Variants in RPAP3 observed in about 807,000 individuals in gnomAD.
RPAP3 encodes RNA polymerase II associated protein 3.
RPAP3 carries 58 observed loss-of-function variants against 88.8 expected under a neutral mutation model. The observed-to-expected ratio is 0.65, with a 90% confidence interval of 0.53 to 0.81. The LOEUF (loss-of-function observed/expected upper bound fraction) is 0.81. RPAP3 is among the 40% of genes least tolerant of loss of function. The pLI, the probability that RPAP3 is intolerant of heterozygous loss-of-function variation, is 0.00. For missense variants in RPAP3, 751 were observed against 764.3 expected, an observed-to-expected ratio of 0.98 and a Z score of 0.20; for synonymous variants, 255 against 259.9, an observed-to-expected ratio of 0.98 and a Z score of 0.18.
intron 2 of RPAP3, among the ~76,000 whole-genome samples, chr12:47,702,311 C>T (rs764812355): frequency 1.3e-5 from 2 of 151,938 alleles, no homozygotes; most frequent in African/African-American, 4.8e-5. Context: ...TTCGGGAGGC[C>T]GAGGTGGGTG....
intron 1 of RPAP3, among the ~76,000 whole-genome samples, chr12:47,704,641 G>C (rs1018859279): frequency 1.3e-5 from 2 of 151,398 alleles, no homozygotes; most frequent in Non-Finnish European, 1.5e-5. Flanking sequence ...GCCTCCCAAA[G>C]TGCTGGGATT....
intron 4 of RPAP3, 57 bp downstream of exon 4, chr12:47,697,540 A>T (rs905131055): frequency 6.7e-7 from 1 of 1,502,806 alleles, no homozygotes; most frequent in Non-Finnish European, 9.0e-7. Context: ...TACGATCCAC[A>T]TGATTTTCAA....
intron 5 of RPAP3, among the ~76,000 whole-genome samples, chr12:47,692,403 A>C (rs891536712): frequency 3.9e-5 from 6 of 152,244 alleles, no homozygotes; most frequent in African/African-American, 1.4e-4. Flanking sequence ...GTTCTCCGTC[A>C]GCACCTGCTG....
In RPAP3 at chr12:47,687,273, C is replaced by T. The variant is rs112712103; in HGVS notation, c.865-366G>A. Among the ~76,000 whole-genome samples the T allele has an allele frequency of 5.3e-5, 8 of 152,188 alleles. 1 individual carries two copies. Among genetic ancestry groups the T allele is most frequent in the African/African-American group, 1.7e-4 (7 of 41,532 alleles). ...GAAGCTGTACAAAAGGACTTCATAA[C>T]TCAAATAAATTTTGTGAAAGAATAC... On this transcript the variant is annotated intron_variant, in intron 8 of 16. Transcript: ENST00000005386.
intron 1 of RPAP3, 88 bp downstream of exon 1, chr12:47,705,864 T>C (rs1207311783): frequency 6.6e-6 from 1 of 150,528 alleles, no homozygotes; most frequent in Non-Finnish European, 1.4e-5. Context: ...GCCTCACCGG[T>C]ACCCATAACC....
intron 16 of RPAP3, among the ~76,000 whole-genome samples, chr12:47,664,179 G>A (rs1017318744): frequency 8.5e-5 from 13 of 152,146 alleles, no homozygotes; most frequent in Non-Finnish European, 1.8e-4. Flanking sequence ...CATGAGGTCA[G>A]GAGATCGAGA....
At chr12:47,704,816 A>G (rs1292232121) in intron 1 of RPAP3, among the ~76,000 whole-genome samples, 1 of 151,854 alleles carries the variant, frequency 6.6e-6, no homozygotes, top group African/African-American at 2.4e-5. Flanking sequence ...TTCCTAGATC[A>G]GCCTGGGCAA....
rs1205443001 is a variant in RPAP3, at chr12:47,662,203, T to C, written c.*1302A>G. 9.2e-5 allele frequency: 14 copies of C among 152,230 alleles called. No individual in the cohort carries two copies. Among genetic ancestry groups the C allele is most frequent in the Non-Finnish European group, 1.2e-4 (8 of 68,052 alleles). 9.4% of individuals were successfully genotyped at this position (152,230 alleles called of 1,614,324 possible). A position where few individuals can be genotyped will look rare whatever the true frequency, so the allele number is the denominator to read the frequency against. Reference sequence around the variant, plus strand: ...CGCCTTCAGGGTTAGGATTTCAACATATGAATTTGTGGGGGATATAAACAT... The same window carrying C: ...CGCCTTCAGGGTTAGGATTTCAACACATGAATTTGTGGGGGATATAAACAT... On this transcript the variant is annotated 3_prime_UTR_variant, in exon 17 of 17. Transcript: ENST00000005386.
chr12:47,693,603 G>A (rs965670326), intron 5 of RPAP3, among the ~76,000 whole-genome samples: 3 of 152,158 alleles, frequency 2.0e-5, no homozygotes, highest in African/African-American at 7.2e-5. Flanking sequence ...AATTCCTAAT[G>A]GTGAAACATT....
chr12:47,670,304 C>T lies in RPAP3; in HGVS notation c.1329G>A (p.Leu443=), dbSNP rs1228225145. 2 of 1,611,316 alleles carry T rather than the reference C, an allele frequency of 1.2e-6. No individual in the cohort carries two copies. Among genetic ancestry groups the T allele is most frequent in the Non-Finnish European group, 1.7e-6 (2 of 1,178,054 alleles). ...KKVIIEETGN[L]IQTIDVPDST... The stretch of plus-strand genomic sequence containing the variant: ...TATCTGGCACATCAATAGTCTGTAT[C>T]AAATTACCAGTTTCTTCAATAATAA... The change falls in exon 13 of 17, where the codon TTG becomes TTA. Residue 443 remains leucine, a synonymous_variant. Coordinates refer to ENST00000005386, the MANE Select transcript of RPAP3 (RefSeq NM_024604.3).
chr12:47,699,261 T>C (rs1366568769), intron 3 of RPAP3: 1 of 152,186 alleles, frequency 6.6e-6, no homozygotes, highest in Non-Finnish European at 1.5e-5. Context: ...TAAATGCCAG[T>C]GTAGAAAACA....
chr12:47,701,293 T>C, intron 3 of RPAP3, 171 bp downstream of exon 3: 1 of 416,824 alleles, frequency 2.4e-6, no homozygotes, highest in South Asian at 1.0e-4. Context: ...AAAAAAATTA[T>C]CTCATTAACT....
chr12:47,690,997 T>TA (rs966504050), intron 5 of RPAP3, among the ~76,000 whole-genome samples: 4 of 152,210 alleles, frequency 2.6e-5, no homozygotes, highest in Non-Finnish European at 5.9e-5. Context: ...ACTTTATTGC[T>TA]AAAAAATGCT....
At position 47,686,545 on chromosome 12, in the gene RPAP3, T is replaced by TACACACACACAC. The variant is rs59485150; in HGVS notation, c.992+223_992+234dup. 7.9e-3 allele frequency among the ~76,000 whole-genome samples: 1,142 copies of TACACACACACAC among 145,430 alleles called. 12 individuals are homozygous for TACACACACACAC. Among genetic ancestry groups the TACACACACACAC allele is most frequent in the Non-Finnish European group, 9.1e-3 (601 of 65,782 alleles). On this transcript the variant is annotated intron_variant, in intron 9 of 16. Coordinates refer to ENST00000005386, the MANE Select transcript of RPAP3 (RefSeq NM_024604.3). Reference sequence around the variant, plus strand: ...AGGTACATAAACACACACATACACATACACACACACACACACACACACACA... The same window carrying TACACACACACAC: ...AGGTACATAAACACACACATACACATACACACACACACACACACACACACACACACACACACA...
intron 15 of RPAP3, among the ~76,000 whole-genome samples, chr12:47,667,398 G>A (rs1009479767): frequency 1.3e-5 from 2 of 151,860 alleles, no homozygotes; most frequent in Admixed American, 6.6e-5. Flanking sequence ...GTCTGTACTT[G>A]TCATTTCCTT....
At chr12:47,686,545 T>TACAC (rs59485150) in intron 9 of RPAP3, among the ~76,000 whole-genome samples, 17,936 of 145,254 alleles carry the variant, frequency 0.12, 1,160 homozygotes, top group South Asian at 0.17. Context: ...CACATACACA[T>TACAC]ACACACACAC....
At position 47,663,453 on chromosome 12, in the gene RPAP3, G is replaced by C; in HGVS notation, c.*52C>G. 1 of 1,211,032 alleles carries C rather than the reference G, an allele frequency of 8.3e-7. No homozygotes were observed. 75.0% of individuals were successfully genotyped at this position (1,211,032 alleles called of 1,614,324 possible). A position where few individuals can be genotyped will look rare whatever the true frequency, so the allele number is the denominator to read the frequency against. ...CTTAAAAAGCAAAACACTTTCAGTA[G>C]AAAAAATTTACATATGAAAGTCAAA... On this transcript the variant is annotated 3_prime_UTR_variant, in exon 17 of 17. Transcript: ENST00000005386.
chr12:47,689,257 A>G (rs1939382777), intron 6 of RPAP3, 62 bp from the exon 7 acceptor site: 3 of 683,066 alleles, frequency 4.4e-6, no homozygotes, highest in Non-Finnish European at 7.4e-6. Flanking sequence ...AACATGTACA[A>G]AACAATCTTT....
chr12:47,705,196 A>AGT (rs375094326), intron 1 of RPAP3, among the ~76,000 whole-genome samples: 151 of 152,286 alleles, frequency 9.9e-4, no homozygotes, highest in African/African-American at 3.4e-3. Flanking sequence ...AGGGAAGAGA[A>AGT]GTAAGGTGGG....
Sources: gnomAD v4.1 joint callset for allele counts (sites outside exome capture counted in the v4.1 genomes callset) on GRCh38, gnomAD v4.1.1 for gene constraint, MANE v1.5 for transcripts, NCBI Gene and HGNC (gene_info 2026-07-23, HGNC 2026-07-21) for gene names.